Variants in PBRM1 observed in about 807,000 individuals in gnomAD.
The protein encoded by PBRM1 is polybromo 1, also known as protein polybromo-1.
A neutral mutation model predicts 194.5 loss-of-function variants in PBRM1; 27 were observed. The observed-to-expected ratio is 0.14, with a 90% CI of 0.10 to 0.19. The LOEUF (loss-of-function observed/expected upper bound fraction) is 0.19, where lower values mean the gene tolerates loss of function less well. Ranked by LOEUF, PBRM1 falls within the 10% of genes least tolerant of loss-of-function variation. The pLI, the probability that PBRM1 is intolerant of heterozygous loss-of-function variation, is 1.00. For synonymous variants in PBRM1, 655 were observed against 693.2 expected (o/e 0.94, Z 0.87); for missense variants, 1,466 against 2,077.2 (o/e 0.71, Z 5.72).
At chr3:52,658,230 C>G (rs773213985) in exon 5 of PBRM1, 1 of 1,610,030 alleles carries the variant, frequency 6.2e-7, no homozygotes, top group South Asian at 1.1e-5. Context: ...AAAAAGTTCG[C>G]TAATGAGACG....
intron 5 of PBRM1, among the ~76,000 whole-genome samples, chr3:52,654,402 G>C (rs1389615373): frequency 6.6e-6 from 1 of 152,118 alleles, no homozygotes; most frequent in South Asian, 2.1e-4. Context: ...TTATGGCAAG[G>C]CCACCCAGCA....
chr3:52,604,993 A>ATAAATAAATAAATAAG, intron 16 of PBRM1, among the ~76,000 whole-genome samples: 1 of 152,000 alleles, frequency 6.6e-6, no homozygotes, highest in Non-Finnish European at 1.5e-5. Flanking sequence ...AAATAAATAA[A>ATAAATAAATAAATAAG]ATGTGGGGAG....
chr3:52,627,775 A>C, intron 12 of PBRM1, among the ~76,000 whole-genome samples: 1 of 152,194 alleles, frequency 6.6e-6, no homozygotes, highest in East Asian at 1.9e-4. Context: ...CAAGAAGTGA[A>C]AGATCTACTT....
intron 3 of PBRM1, among the ~76,000 whole-genome samples, chr3:52,664,412 G>GAAAAAAAAA (rs58727570): frequency 9.9e-6 from 1 of 101,162 alleles, no homozygotes. Context: ...TGAAAGAACT[G>GAAAAAAAAA]AAAAAAAAAA....
chr3:52,563,172 C>T (rs1012498721), intron 24 of PBRM1, 111 bp downstream of exon 26: 2 of 658,866 alleles, frequency 3.0e-6, no homozygotes, highest in East Asian at 5.4e-5. Flanking sequence ...CTGCAGAATT[C>T]TAAGTTAAAG....
At chr3:52,681,991 G>A (rs976735329), upstream of PBRM1, 1 of 157,516 alleles carries the variant, frequency 6.3e-6, no homozygotes, top group African/African-American at 2.4e-5. Flanking sequence ...ACAAACTGCT[G>A]CAAAGGCTCA....
intron 6 of PBRM1, among the ~76,000 whole-genome samples, chr3:52,651,439 A>G (rs906814267): frequency 3.3e-5 from 5 of 152,230 alleles, no homozygotes; most frequent in Non-Finnish European, 5.9e-5. Context: ...CATGTACCCC[A>G]TAAATACATA....
chr3:52,623,498 C>T (rs1033016435), intron 13 of PBRM1, among the ~76,000 whole-genome samples: 1 of 152,134 alleles, frequency 6.6e-6, no homozygotes, highest in Non-Finnish European at 1.5e-5. Context: ...GAAATAAAAC[C>T]TTTTCATTCA....
chr3:52,641,303 C>A (rs1419300180), intron 10 of PBRM1, among the ~76,000 whole-genome samples: 1 of 151,592 alleles, frequency 6.6e-6, no homozygotes, highest in Non-Finnish European at 1.5e-5. Flanking sequence ...AAAAATTAGC[C>A]AGGTGTGGTG....
At chr3:52,562,766 CCT>C (rs2083977037) in intron 24 of PBRM1, among the ~76,000 whole-genome samples, 1 of 152,022 alleles carries the variant, frequency 6.6e-6, no homozygotes, top group African/African-American at 2.4e-5. Flanking sequence ...GTCTTGAACT[CCT>C]GAGCTCAAGT....
chr3:52,633,800 A>G (rs1038490496), intron 11 of PBRM1, among the ~76,000 whole-genome samples: 1 of 152,158 alleles, frequency 6.6e-6, no homozygotes, highest in Non-Finnish European at 1.5e-5. Context: ...AGCCAGCTGT[A>G]TATTTTCCTT....
downstream of PBRM1, chr3:52,547,788 TC>T: frequency 6.7e-6 from 2 of 299,688 alleles, no homozygotes; most frequent in Non-Finnish European, 1.2e-5. Context: ...AAGATAAAAC[TC>T]CAAGTCTACA....
In PBRM1 at chr3:52,569,213, ATT is replaced by A. The variant is rs59228928; in HGVS notation, c.3692-4982_3692-4981del. ...GATTCTAAGTTTCTTTTTCAATATG[ATT>A]TTTTTTTTTTTTTTAGATGGAGTCT... On this transcript the variant is annotated intron_variant, in intron 22 of 29. Coordinates refer to ENST00000296302, the Ensembl canonical transcript of PBRM1. 1.0e-3 allele frequency among the ~76,000 whole-genome samples: 136 copies of A among 136,288 alleles called. 2 individuals carry two copies. In the East Asian group the frequency reaches 0.022, roughly 22 times the overall value. The allele number at this position is 136,288 out of a possible 152,430, so 89.4% of individuals were successfully genotyped here. A position where few individuals can be genotyped will look rare whatever the true frequency, so the allele number is the denominator to read the frequency against.
At chr3:52,632,512 T>C (rs1460829919) in intron 11 of PBRM1, among the ~76,000 whole-genome samples, 1 of 152,060 alleles carries the variant, frequency 6.6e-6, no homozygotes, top group Non-Finnish European at 1.5e-5. Context: ...AGCCCAGAGG[T>C]TCGAGTTGAT....
intron 20 of PBRM1, among the ~76,000 whole-genome samples, chr3:52,584,575 C>T (rs1294965149): frequency 6.7e-6 from 1 of 149,928 alleles, no homozygotes; most frequent in Non-Finnish European, 1.5e-5. Flanking sequence ...CCCATCTCAG[C>T]CATCCAAGTG....
chr3:52,613,115 AT>A (rs2094735922), intron 15 of PBRM1, among the ~76,000 whole-genome samples: 1 of 152,034 alleles, frequency 6.6e-6, no homozygotes, highest in African/African-American at 2.4e-5. Context: ...ATGTCTGCAT[AT>A]TTTATTTTAT....
At chr3:52,669,887 C>A (rs2096912796) in intron 2 of PBRM1, among the ~76,000 whole-genome samples, 1 of 152,162 alleles carries the variant, frequency 6.6e-6, no homozygotes, top group Non-Finnish European at 1.5e-5. Flanking sequence ...CTGAACTGTG[C>A]AGGTCCACTT....
chr3:52,587,777 T>C (rs2092593283), intron 18 of PBRM1, among the ~76,000 whole-genome samples: 1 of 144,234 alleles, frequency 6.9e-6, no homozygotes, highest in Non-Finnish European at 1.5e-5. Flanking sequence ...GACATGAACC[T>C]AGCACTGTGC....
intron 22 of PBRM1, among the ~76,000 whole-genome samples, chr3:52,572,233 A>C (rs1395603647): frequency 6.6e-6 from 1 of 152,134 alleles, no homozygotes; most frequent in African/African-American, 2.4e-5. Context: ...ACGTTATAAA[A>C]ATCTACTGTG....
Sources: allele counts gnomAD v4.1 joint callset (sites outside exome capture counted in the v4.1 genomes callset), GRCh38; gene constraint gnomAD v4.1.1; transcripts MANE v1.5; gene names NCBI Gene and HGNC (gene_info 2026-07-23, HGNC 2026-07-21).